SPECC1: variants seen among roughly 807,000 people sequenced by gnomAD.
The protein encoded by SPECC1 is cytospin-B.
Under a neutral mutation model 104.1 loss-of-function variants are expected in SPECC1, and 62 were observed. The observed-to-expected ratio is 0.60, with a 90% CI of 0.49 to 0.74. SPECC1 has a LOEUF of 0.74. SPECC1 is among the 30% of genes least tolerant of loss of function. The probability of loss-of-function intolerance (pLI) is 0.00; values close to 1 mark genes in which losing one functional copy is unlikely to be tolerated. For missense variants in SPECC1, 1,306 were observed against 1,310.5 expected, an observed-to-expected ratio of 1.00 and a Z score of 0.05; for synonymous variants, 513 against 501.6, an observed-to-expected ratio of 1.02 and a Z score of -0.30.
intron 3 of SPECC1, among the ~76,000 whole-genome samples, chr17:20,162,125 C>A (rs569763531): frequency 1.3e-5 from 2 of 150,982 alleles, no homozygotes; most frequent in Admixed American, 6.6e-5. Context: ...CCTCAGACTT[C>A]GGGCAAATAA....
At position 20,315,943 on chromosome 17, in the gene SPECC1, G is replaced by A. The variant is rs193091299; in HGVS notation, c.*1878G>A. On this transcript the variant is annotated 3_prime_UTR_variant, in exon 15 of 15. Coordinates refer to ENST00000395527, the MANE Select transcript of SPECC1 (RefSeq NM_001243439.2). ...ACCAGAGATGCAGTTCACATGTTTT[G>A]TAAGTTCTTTAGGCGACTGAAGCAC... 1 of 232,628 alleles carries A rather than the reference G, an allele frequency of 4.3e-6. No individual in the cohort carries two copies. The highest frequency in any genetic ancestry group is 5.6e-5 in the Admixed American group (1 of 17,766). The allele number at this position is 232,628 out of a possible 1,614,324, so 14.4% of individuals were successfully genotyped here. A position where few individuals can be genotyped will look rare whatever the true frequency, so the allele number is the denominator to read the frequency against.
intron 4 of SPECC1, among the ~76,000 whole-genome samples, chr17:20,219,863 G>C (rs2094622776): frequency 6.6e-6 from 1 of 151,184 alleles, no homozygotes; most frequent in South Asian, 2.1e-4. Flanking sequence ...TTTGTATATG[G>C]GGGGGGTGTC....
chr17:20,190,119 C>T (rs1416185667), intron 3 of SPECC1, among the ~76,000 whole-genome samples: 28 of 152,082 alleles, frequency 1.8e-4, no homozygotes, highest in Admixed American at 1.8e-3. Context: ...ACTTTTCTGT[C>T]ATAGTCAAGG....
intron 3 of SPECC1, among the ~76,000 whole-genome samples, chr17:20,169,668 T>C (rs1233145243): frequency 2.0e-5 from 3 of 152,094 alleles, no homozygotes; most frequent in Non-Finnish European, 4.4e-5. Context: ...ATCTTATGGT[T>C]TTAGACATTT....
chr17:20,037,956 A>G (rs934996177), intron 1 of SPECC1, among the ~76,000 whole-genome samples: 4 of 152,136 alleles, frequency 2.6e-5, no homozygotes, highest in Non-Finnish European at 1.5e-5. Flanking sequence ...TTATCAGGCT[A>G]TCCCAATTAT....
chr17:20,118,102 C>T (rs1205280435), intron 3 of SPECC1, among the ~76,000 whole-genome samples: 1 of 145,240 alleles, frequency 6.9e-6, no homozygotes, highest in Non-Finnish European at 1.5e-5. Flanking sequence ...GACCCTGTCT[C>T]ACAATAAATA....
At chr17:20,191,079 A>G (rs900656911) in intron 3 of SPECC1, among the ~76,000 whole-genome samples, 1 of 152,112 alleles carries the variant, frequency 6.6e-6, no homozygotes, top group African/African-American at 2.4e-5. Flanking sequence ...TCATGGCTTA[A>G]TAGTTATTTC....
chr17:20,316,008 T>TGGCAGCCACAAGGCA lies in SPECC1; in HGVS notation c.*1951_*1965dup. ...CCACTGAGGGGTGGACACCTTCCCC[T>TGGCAGCCACAAGGCA]GGCAGCCACAAGGCAGGCAGCCTGC... On this transcript the variant is annotated 3_prime_UTR_variant, in exon 15 of 15. Transcript: ENST00000395527. 4.3e-6 allele frequency: 1 copy of TGGCAGCCACAAGGCA among 232,638 alleles called. No individual in the cohort carries two copies. The highest frequency in any genetic ancestry group is 8.5e-6 in the Non-Finnish European group (1 of 117,628). The allele number at this position is 232,638 out of a possible 1,614,324, so 14.4% of individuals were successfully genotyped here.
chr17:20,060,471 A>G (rs1394524634), intron 1 of SPECC1, among the ~76,000 whole-genome samples: 1 of 152,058 alleles, frequency 6.6e-6, no homozygotes, highest in Non-Finnish European at 1.5e-5. Context: ...ACACAGTGAG[A>G]CTCCGACTCT....
chr17:20,156,158 C>A, intron 3 of SPECC1: 8 of 1,435,216 alleles, frequency 5.6e-6, no homozygotes, highest in Non-Finnish European at 6.4e-6. Flanking sequence ...ACACCCGGTC[C>A]GAGGCCGGCA....
intron 3 of SPECC1, among the ~76,000 whole-genome samples, chr17:20,163,675 T>C (rs4925091): frequency 0.57 from 86,171 of 151,578 alleles, 25,086 homozygotes; most frequent in Middle Eastern, 0.62. Flanking sequence ...GTCCTCTCAC[T>C]GCAGCCTCCC....
intron 3 of SPECC1, among the ~76,000 whole-genome samples, chr17:20,194,656 C>T (rs564307041): frequency 6.6e-6 from 1 of 151,606 alleles, no homozygotes; most frequent in Admixed American, 6.6e-5. Context: ...ACAGGTGGCG[C>T]CACCACGCCT....
intron 7 of SPECC1, among the ~76,000 whole-genome samples, chr17:20,232,819 A>G (rs925560093): frequency 2.0e-5 from 3 of 152,200 alleles, no homozygotes; most frequent in African/African-American, 7.2e-5. Context: ...GCCGCCGGAG[A>G]AGGACACATT....
intron 1 of SPECC1, among the ~76,000 whole-genome samples, chr17:20,039,801 C>T (rs2045250208): frequency 6.6e-6 from 1 of 152,132 alleles, no homozygotes; most frequent in Non-Finnish European, 1.5e-5. Flanking sequence ...AGGTGATCCA[C>T]CCGCCTTGGC....
intron 3 of SPECC1, among the ~76,000 whole-genome samples, chr17:20,169,816 T>C (rs2151173384): frequency 6.6e-6 from 1 of 152,296 alleles, no homozygotes; most frequent in East Asian, 1.9e-4. Flanking sequence ...CTTTTAAACA[T>C]TTCTAACTCA....
intron 2 of SPECC1, among the ~76,000 whole-genome samples, chr17:20,104,771 A>C (rs893150457): frequency 6.6e-6 from 1 of 150,398 alleles, no homozygotes; most frequent in Non-Finnish European, 1.5e-5. Flanking sequence ...AAAAAAGAAA[A>C]AAAAATTCTC....
chr17:20,096,911 C>A, intron 2 of SPECC1, 113 bp downstream of exon 2: 1 of 1,348,616 alleles, frequency 7.4e-7, no homozygotes, highest in Non-Finnish European at 1.0e-6. Context: ...AGGAGGCTCC[C>A]AAGGAGGGGT....
chr17:20,062,557 G>A (rs181466547), intron 1 of SPECC1, among the ~76,000 whole-genome samples: 290 of 152,122 alleles, frequency 1.9e-3, no homozygotes, highest in Admixed American at 5.6e-3. Context: ...TAGAGATGGG[G>A]CCTTGCTATG....
intron 3 of SPECC1, among the ~76,000 whole-genome samples, chr17:20,118,073 C>G (rs988283711): frequency 4.0e-5 from 6 of 151,882 alleles, no homozygotes; most frequent in Non-Finnish European, 8.8e-5. Flanking sequence ...CCACTGCACT[C>G]CGGCCTGGGC....
Sources: allele counts gnomAD v4.1 joint callset (sites outside exome capture counted in the v4.1 genomes callset), GRCh38; gene constraint gnomAD v4.1.1; transcripts MANE v1.5; gene names NCBI Gene and HGNC (gene_info 2026-07-23, HGNC 2026-07-21).